TEP1: variants seen among roughly 807,000 people sequenced by gnomAD.
TEP1 encodes the protein telomerase protein component 1.
In TEP1, 241 loss-of-function variants were observed where a neutral mutation model predicts 306.3. The ratio of observed to expected loss-of-function variants is 0.79; its 90% CI spans 0.71 to 0.88. The LOEUF is 0.88. Ranked by LOEUF, TEP1 falls within the 40% of genes least tolerant of loss-of-function variation. TEP1 has a pLI of 0.00. For missense variants in TEP1, 3,051 were observed against 3,276.1 expected (o/e 0.93, Z 1.68); for synonymous variants, 1,289 against 1,305.5 (o/e 0.99, Z 0.27).
chr14:20,400,701 C>T (rs574960107), intron 9 of TEP1: 2 of 349,854 alleles, frequency 5.7e-6, no homozygotes, highest in South Asian at 8.0e-5. Context: ...ACAGAGATAT[C>T]GATATGAGTA....
At position 20,381,246 on chromosome 14, in the gene TEP1, G is replaced by C. The variant is rs1414789341; in HGVS notation, c.4647+67C>G. The C allele has an allele frequency of 3.3e-6, 5 of 1,499,236 alleles. No individual in the cohort carries two copies. The highest frequency in any genetic ancestry group is 4.6e-6 in the Non-Finnish European group (5 of 1,075,836). 92.9% of individuals were successfully genotyped at this position (1,499,236 alleles called of 1,614,324 possible). A position where few individuals can be genotyped will look rare whatever the true frequency, so the allele number is the denominator to read the frequency against. On this transcript the variant is annotated intron_variant, in intron 32 of 54. Transcript: ENST00000262715. The surrounding 1 kb of genome is among the most constrained non-coding windows in gnomAD (Gnocchi z 4.0). ...CGGTGATGGTGGAGATGGTAACGGGGAGAGGGGTCTCAGAGCAACCAAAGC... is the reference window on the plus strand; with the variant it reads ...CGGTGATGGTGGAGATGGTAACGGGCAGAGGGGTCTCAGAGCAACCAAAGC...
chr14:20,385,122 C>A lies in TEP1; in HGVS notation c.2983-13G>T, dbSNP rs776447187. The A allele has an allele frequency of 3.7e-6, 6 of 1,613,668 alleles. No homozygotes were observed. In the South Asian group the frequency reaches 6.6e-5, roughly 18 times the overall value. On this transcript the variant is annotated splice_polypyrimidine_tract_variant and intron_variant, in intron 20 of 54. Coordinates refer to ENST00000262715, the MANE Select transcript of TEP1 (RefSeq NM_007110.5). ...GGTACTGCTGGGCCTGCGGGGAGGA[C>A]AGAGACAGTGAGTTTAGTCCTAGGC...
In TEP1 at chr14:20,371,540, G is replaced by T. The variant is rs1363760560; in HGVS notation, c.7169C>A (p.Ala2390Glu). Reference protein sequence around the residue: ...PDGHFLILAKADLKLLCMKPG... With the variant: ...PDGHFLILAKEDLKLLCMKPG... The stretch of plus-strand genomic sequence containing the variant: ...CTTCATGCAAAGTAACTTCAAATCT[G>T]CTTTGGCCAAGATGAGAAAGTGACC... Residue 2390 changes from alanine to glutamate, a missense_variant, in exon 50 of 55, where the codon GCA becomes GAA. Transcript: ENST00000262715. 2 of 1,608,926 alleles carry T rather than the reference G, an allele frequency of 1.2e-6. No individual in the cohort carries two copies. Among genetic ancestry groups the T allele is most frequent in the South Asian group, 2.2e-5 (2 of 90,080 alleles).
At chr14:20,396,373 T>G (rs1158924733) in intron 10 of TEP1, among the ~76,000 whole-genome samples, 1 of 152,244 alleles carries the variant, frequency 6.6e-6, no homozygotes, top group African/African-American at 2.4e-5. Flanking sequence ...GGTAAGTCAC[T>G]GAGCTCAGAA....
chr14:20,401,688 C>A (rs540891616), intron 7 of TEP1, 107 bp from the exon 8 acceptor site: 17 of 1,491,488 alleles, frequency 1.1e-5, no homozygotes, highest in Admixed American at 6.4e-5. Context: ...GTGGTAATTT[C>A]TTTCTTCAAA....
Position 20,403,781 on chromosome 14 carries a change from T to G in TEP1, c.1136A>C (p.Lys379Thr). 6.2e-7 allele frequency: 1 copy of G among 1,614,142 alleles called. No individual in the cohort carries two copies. The change falls in exon 6 of 55, where the codon AAG (lysine) becomes ACG (threonine). Residue 379 changes from lysine (K) to threonine (T), a missense_variant. Physicochemically the swap from Lys to Thr is moderately conservative, Grantham distance 78. Around this residue, in one of 3 missense-constraint regions of TEP1, gnomAD observed 1,507 missense variants for 1,550.5 expected, o/e 0.97. Coordinates refer to ENST00000262715, the MANE Select transcript of TEP1 (RefSeq NM_007110.5). ...GGCCCGGTGCTTCCGAGGGTTGTAC[T>G]TAGCCAGCTGGTACTCGTCAAACTG... ...FAQFDEYQLA[K>T]YNPRKHRAKR...
At chr14:20,385,219 C>T (rs1401196101) in intron 20 of TEP1, 110 bp from the exon 21 acceptor site, 24 of 1,393,010 alleles carry the variant, frequency 1.7e-5, no homozygotes, top group Non-Finnish European at 2.3e-5. Context: ...CTCTCCTTCC[C>T]TCCAGGCACA....
intron 13 of TEP1, 68 bp from the exon 14 acceptor site, chr14:20,391,164 C>G (rs878955760): frequency 5.2e-6 from 8 of 1,542,684 alleles, no homozygotes; most frequent in African/African-American, 2.7e-5. Context: ...CCAGCCAGCC[C>G]TGGAGGCCAA....
rs751304753 is a variant in TEP1, at chr14:20,396,621, C to T, written c.1659G>A (p.Ala553=). The T allele has an allele frequency of 4.4e-6, 7 of 1,605,380 alleles. No homozygotes were observed. Among genetic ancestry groups the T allele is most frequent in the South Asian group, 3.3e-5 (3 of 90,706 alleles). Residue 553 remains alanine (A), a splice_region_variant and synonymous_variant, in exon 10 of 55, where the codon GCG becomes GCA. Transcript: ENST00000262715. ...ATGGCTACCAGCCCCTCACACATAC[C>T]GCATGCTGGAGTCTCTGGAGAATGA... ...HELILQRLQH[A]KSVIHSRQFP... is the part of the protein sequence containing the mutation.
chr14:20,406,190 C>T, intron 3 of TEP1, 43 bp downstream of exon 3: 1 of 1,607,342 alleles, frequency 6.2e-7, no homozygotes, highest in Non-Finnish European at 8.5e-7. Flanking sequence ...CCAACCTCCC[C>T]TCCACACCAT....
chr14:20,401,651 C>A, intron 7 of TEP1, 70 bp from the exon 8 acceptor site: 2 of 1,589,568 alleles, frequency 1.3e-6, no homozygotes, highest in Non-Finnish European at 1.7e-6. Flanking sequence ...TTCAATAAAG[C>A]AGATTGTAAG....
Position 20,381,317 on chromosome 14 carries a change from T to C in TEP1, c.4643A>G (p.His1548Arg). Residue 1548 changes from histidine (H) to arginine (R), a missense_variant, in exon 32 of 55, where the codon CAC becomes CGC. Transcript: ENST00000262715. The surrounding 1 kb of genome is among the most constrained non-coding windows in gnomAD (Gnocchi z 4.0). Reference sequence around the variant, plus strand: ...CTATGGGGTCTAGGAACTAACCAGGTGGTAAGGCAGGTCTCCCAGAGCCTC... The same window carrying C: ...CTATGGGGTCTAGGAACTAACCAGGCGGTAAGGCAGGTCTCCCAGAGCCTC... Reference protein sequence around the residue: ...PPEALGDLPYHLLQSGNRGLL... With the variant: ...PPEALGDLPYRLLQSGNRGLL... 1 of 1,614,046 alleles carries C rather than the reference T, an allele frequency of 6.2e-7. No homozygotes were observed. The highest frequency in any genetic ancestry group is 8.5e-7 in the Non-Finnish European group (1 of 1,179,982).
At chr14:20,388,360 C>T (rs941195935) in intron 17 of TEP1, among the ~76,000 whole-genome samples, 1 of 152,136 alleles carries the variant, frequency 6.6e-6, no homozygotes, top group South Asian at 2.1e-4. Flanking sequence ...TTAAAGCCAT[C>T]CCAGTCTGGG....
intron 27 of TEP1, 44 bp from the exon 28 acceptor site, chr14:20,382,759 C>T (rs757445198): frequency 1.6e-5 from 25 of 1,577,046 alleles, no homozygotes; most frequent in Middle Eastern, 1.7e-4. Context: ...GAGGGCTGCC[C>T]GCAGCCAGCC....
rs772406940 is a variant in TEP1, at chr14:20,382,195, C to T, written c.4273+29G>A. On this transcript the variant is annotated intron_variant, in intron 29 of 54. Coordinates refer to ENST00000262715, the MANE Select transcript of TEP1 (RefSeq NM_007110.5). ...TGTAATCCGAACCCTGGCCCTCAGC[C>T]TCCCAACCAACCCACCCCAAGCACT... 4 of 1,614,072 alleles carry T rather than the reference C, an allele frequency of 2.5e-6. No homozygotes were observed. The South Asian group carries it at 4.4e-5, about 18-fold the overall frequency.
At position 20,368,887 on chromosome 14, in the gene TEP1, C is replaced by T; in HGVS notation, c.7672G>A (p.Val2558Ile). The change falls in exon 54 of 55, where the codon GTC becomes ATC. Residue 2558 changes from valine (V) to isoleucine (I), a missense_variant. This residue lies in a region of TEP1 where 1,540 missense variants were observed against 1,705.9 expected (regional missense o/e 0.90). Transcript: ENST00000262715. ...TCAGGTAGCACATGGAGGGCTGTGA[C>T]AGAGCCCGAGTGAATCTCAAAGAGG... ...RQRRKIHSGS[V>I]TALHVLPELL... The T allele has an allele frequency of 6.2e-7, 1 of 1,613,770 alleles. No individual in the cohort carries two copies.
rs148283523 is a variant in TEP1, at chr14:20,376,229, G to A, written c.6124C>T (p.Leu2042=). 318 of 1,614,062 alleles carry A rather than the reference G, an allele frequency of 2.0e-4. No homozygotes were observed. Among genetic ancestry groups the A allele is most frequent in the Non-Finnish European group, 2.6e-4 (301 of 1,180,040 alleles). Residue 2042 remains leucine, a synonymous_variant, in exon 42 of 55, where the codon CTG becomes TTG. Coordinates refer to ENST00000262715, the MANE Select transcript of TEP1 (RefSeq NM_007110.5). ...FTVQLWPRQL[L]TRPHKAEDFP... ...TCTTCTGCCTTGTGTGGCCGCGTCA[G>A]CAGCTGCCTTGGCCACAGCTGCACT...
chr14:20,405,125 A>G (rs1483903548), intron 4 of TEP1, among the ~76,000 whole-genome samples: 1 of 152,186 alleles, frequency 6.6e-6, no homozygotes, highest in African/African-American at 2.4e-5. Flanking sequence ...GATATTTCCC[A>G]CCGCGCTCTT....
chr14:20,400,973 G>A lies in TEP1; in HGVS notation c.1549+11C>T, dbSNP rs1429130931. On this transcript the variant is annotated intron_variant, in intron 9 of 54. Coordinates refer to ENST00000262715, the MANE Select transcript of TEP1 (RefSeq NM_007110.5). The stretch of plus-strand genomic sequence containing the variant: ...GAGAAGGAGGGAATGTGATGGTCAA[G>A]GTCACTCTACCAATGAGTTCCTCCC... 1.9e-6 allele frequency: 3 copies of A among 1,613,388 alleles called. No homozygotes were observed. Among genetic ancestry groups the A allele is most frequent in the East Asian group, 2.2e-5 (1 of 44,864 alleles).
Sources: allele counts gnomAD v4.1 joint callset (sites outside exome capture counted in the v4.1 genomes callset), GRCh38; gene constraint gnomAD v4.1.1; regional missense constraint gnomAD v4.1.1; non-coding constraint Gnocchi (gnomAD v3.1); transcripts MANE v1.5; gene names NCBI Gene and HGNC (gene_info 2026-07-23, HGNC 2026-07-21).